Variants in MYB observed in about 807,000 individuals in gnomAD.
The protein encoded by MYB is transcriptional activator Myb.
A neutral mutation model predicts 92.9 loss-of-function variants in MYB; 28 were observed. That is an observed-to-expected ratio of 0.30 (90% CI 0.22 to 0.41). MYB has a LOEUF of 0.41. MYB is among the 10% of genes least tolerant of loss of function. The pLI is 1.00. For synonymous variants in MYB, 295 were observed against 329.1 expected (o/e 0.90, Z 1.12); for missense variants, 679 against 929.3 (o/e 0.73, Z 3.50).
intron 15 of MYB, among the ~76,000 whole-genome samples, chr6:135,206,357 C>T (rs937652317): frequency 1.3e-5 from 2 of 150,854 alleles, no homozygotes; most frequent in African/African-American, 4.9e-5. Flanking sequence ...ATGATTATAC[C>T]CCTGCACTCT....
intron 10 of MYB, 32 bp from the exon 11 acceptor site, chr6:135,198,876 T>A (rs2128300411): frequency 6.5e-7 from 1 of 1,540,728 alleles, no homozygotes. Context: ...TACCATCTAA[T>A]CTAAGTATTT....
chr6:135,208,323 C>G (rs571635324), intron 15 of MYB, among the ~76,000 whole-genome samples: 1 of 151,254 alleles, frequency 6.6e-6, no homozygotes, highest in Non-Finnish European at 1.5e-5. Context: ...ATGATCGGCC[C>G]GCCTTGGCCT....
intron 11 of MYB, 50 bp from the exon 12 acceptor site, chr6:135,200,035 A>G: frequency 7.4e-7 from 1 of 1,356,136 alleles, no homozygotes; most frequent in Non-Finnish European, 1.1e-6. Flanking sequence ...AAAGCCATGT[A>G]GGGACATTTA....
chr6:135,183,269 A>G (rs1034837455), intron 1 of MYB, among the ~76,000 whole-genome samples: 4 of 151,858 alleles, frequency 2.6e-5, no homozygotes, highest in African/African-American at 7.3e-5. Flanking sequence ...GCGAGCGTCA[A>G]CTCGGCAGGG....
chr6:135,181,466 C>T lies in MYB; in HGVS notation c.-48C>T. The T allele has an allele frequency of 5.4e-6, 6 of 1,111,188 alleles. No homozygotes were observed. The highest frequency in any genetic ancestry group is 6.6e-6 in the Non-Finnish European group (6 of 910,118). The allele number at this position is 1,111,188 out of a possible 1,614,324, so 68.8% of individuals were successfully genotyped here. On this transcript the variant is annotated 5_prime_UTR_variant, in exon 1 of 16. Transcript: ENST00000341911. The surrounding 1 kb of genome is among the most constrained non-coding windows in gnomAD (Gnocchi z 5.3). ...GCGGCGGGCAGCGGGAGGCGGCAGC[C>T]CGGTGCGGTCCCCGCGGCTCTCGGC...
intron 9 of MYB, chr6:135,196,716 T>C: frequency 6.8e-7 from 1 of 1,476,970 alleles, no homozygotes; most frequent in Non-Finnish European, 9.0e-7. Context: ...TTGCTTTCCA[T>C]TGCATGCAGA....
Position 135,189,798 on chromosome 6 carries a change from C to G in MYB, c.221C>G (p.Thr74Arg), listed in dbSNP as rs1776409191. 1 of 1,613,754 alleles carries G rather than the reference C, an allele frequency of 6.2e-7. No homozygotes were observed. The highest frequency in any genetic ancestry group is 1.1e-5 in the South Asian group (1 of 91,058). ...CATACTTTATTTGTCTAGAATCGAACAGATGTGCAGTGCCAGCACCGATGG... is the reference window on the plus strand; with the variant it reads ...CATACTTTATTTGTCTAGAATCGAAGAGATGTGCAGTGCCAGCACCGATGG... ...KVIANYLPNR[T>R]DVQCQHRWQK... The change falls in exon 4 of 16, where the codon ACA (threonine) becomes AGA (arginine). Residue 74 changes from threonine to arginine, a missense_variant. Transcript: ENST00000341911.
chr6:135,186,808 A>G (rs1284292796), intron 2 of MYB, among the ~76,000 whole-genome samples: 1 of 152,340 alleles, frequency 6.6e-6, no homozygotes, highest in South Asian at 2.1e-4. Context: ...AATTATTAAT[A>G]TGTGGAGAAA....
At chr6:135,200,474 T>C in intron 13 of MYB, 59 bp downstream of exon 13, 1 of 1,608,224 alleles carries the variant, frequency 6.2e-7, no homozygotes, top group South Asian at 1.1e-5. Flanking sequence ...TTATTCCTTG[T>C]GTGCAGCTTG....
At chr6:135,195,658 G>C in intron 8 of MYB, 90 bp from the exon 9 acceptor site, 1 of 1,411,144 alleles carries the variant, frequency 7.1e-7, no homozygotes, top group Non-Finnish European at 9.8e-7. Flanking sequence ...TCCTCCAACA[G>C]CATCTGATAC....
At position 135,182,767 on chromosome 6, in the gene MYB, C is replaced by G. The variant is rs1287949433; in HGVS notation, c.23+1231C>G. 6.6e-6 allele frequency among the ~76,000 whole-genome samples: 1 copy of G among 151,930 alleles called. No individual in the cohort carries two copies. The highest frequency in any genetic ancestry group is 1.5e-5 in the Non-Finnish European group (1 of 67,958). ...TTGAGCCTGCGGGCGCTGGTCCCCG[C>G]GCGGCGCTGGGAAGTTGCAAAGAGC... On this transcript the variant is annotated intron_variant, in intron 1 of 15. Coordinates refer to ENST00000341911, the MANE Select transcript of MYB (RefSeq NM_001130173.2). This position sits in a 1 kb window ranked among gnomAD's most constrained non-coding sequence, Gnocchi z 5.6.
chr6:135,193,987 A>G (rs1776957643), intron 7 of MYB, 69 bp downstream of exon 7: 1 of 1,260,854 alleles, frequency 7.9e-7, no homozygotes, highest in Non-Finnish European at 1.2e-6. Context: ...TCATCTAAAC[A>G]CATATTTTTA....
chr6:135,203,115 T>A (rs1379539695), intron 14 of MYB, 102 bp from the exon 15 acceptor site: 9 of 850,162 alleles, frequency 1.1e-5, no homozygotes, highest in African/African-American at 1.7e-5. Context: ...TTTATGCTAA[T>A]GTGTATCATC....
Position 135,218,965 on chromosome 6 carries a change from G to T in MYB, c.*985G>T. On this transcript the variant is annotated 3_prime_UTR_variant, in exon 16 of 16. Coordinates refer to ENST00000341911, the MANE Select transcript of MYB (RefSeq NM_001130173.2). ...TTTATAATTTGGGAGTTCTGCATTTGATCCGCATCCCCTGTGGTTTCTAAG... is the reference window on the plus strand; with the variant it reads ...TTTATAATTTGGGAGTTCTGCATTTTATCCGCATCCCCTGTGGTTTCTAAG... 1 of 224,074 alleles carries T rather than the reference G, an allele frequency of 4.5e-6. No individual in the cohort carries two copies. The highest frequency in any genetic ancestry group is 8.9e-6 in the Non-Finnish European group (1 of 111,930). 13.9% of individuals were successfully genotyped at this position (224,074 alleles called of 1,614,324 possible).
rs1777017043 is a variant in MYB at position 135,194,476 on chromosome 6, T to C, written c.948+16T>C. On this transcript the variant is annotated intron_variant, in intron 8 of 15. Coordinates refer to ENST00000341911, the MANE Select transcript of MYB (RefSeq NM_001130173.2). ...GGTGCTACCAGTAAGACTGTCATCA[T>C]GTGCTTGAATGAGGGGATAGCAGCT... 1 of 1,567,864 alleles carries C rather than the reference T, an allele frequency of 6.4e-7. No homozygotes were observed. The highest frequency in any genetic ancestry group is 8.8e-7 in the Non-Finnish European group (1 of 1,140,182).
At chr6:135,215,596 G>A (rs1373856277) in intron 15 of MYB, among the ~76,000 whole-genome samples, 1 of 152,126 alleles carries the variant, frequency 6.6e-6, no homozygotes, top group East Asian at 1.9e-4. Flanking sequence ...AGAGGCATGC[G>A]GTGCCTATAG....
At position 135,192,477 on chromosome 6, in the gene MYB, G is replaced by A. The variant is rs111419694; in HGVS notation, c.681G>A (p.Pro227=). Residue 227 remains proline, a synonymous_variant, in exon 6 of 16, where the codon CCG becomes CCA. Transcript: ENST00000341911. The part of the protein sequence containing the change: ...NSHLMGFAQA[P]PTAQLPATGQ... ...ATTTGATGGGTTTTGCTCAGGCTCCGCCTACAGCTCAACTCCCTGCCACTG... is the reference window on the plus strand; with the variant it reads ...ATTTGATGGGTTTTGCTCAGGCTCCACCTACAGCTCAACTCCCTGCCACTG... 1.4e-5 allele frequency: 22 copies of A among 1,614,102 alleles called. No individual in the cohort carries two copies. The African/African-American group carries it at 2.0e-4, about 15-fold the overall frequency.
chr6:135,201,029 A>G (rs1778007908), intron 13 of MYB, among the ~76,000 whole-genome samples: 1 of 152,186 alleles, frequency 6.6e-6, no homozygotes, highest in Admixed American at 6.5e-5. Flanking sequence ...CAGTGAGCCA[A>G]GATCGTACCA....
intron 15 of MYB, among the ~76,000 whole-genome samples, chr6:135,211,909 C>T (rs1351273505): frequency 6.6e-6 from 1 of 152,134 alleles, no homozygotes; most frequent in African/African-American, 2.4e-5. Flanking sequence ...CATTTACTCT[C>T]GAGAAAAGTT....
Sources: allele counts gnomAD v4.1 joint callset (sites outside exome capture counted in the v4.1 genomes callset), GRCh38; gene constraint gnomAD v4.1.1; non-coding constraint Gnocchi (gnomAD v3.1); transcripts MANE v1.5; gene names NCBI Gene and HGNC (gene_info 2026-07-23, HGNC 2026-07-21).